Variants in C18orf63 observed in about 807,000 individuals in gnomAD.
C18orf63 encodes chromosome 18 open reading frame 63.
Under a neutral mutation model 75.3 loss-of-function variants are expected in C18orf63, and 50 were observed. The observed-to-expected ratio is 0.66, with a 90% CI of 0.53 to 0.84. The LOEUF is 0.84. Ranked by LOEUF, C18orf63 falls within the 40% of genes least tolerant of loss-of-function variation. The probability of loss-of-function intolerance (pLI) is 0.00; values close to 1 mark genes in which losing one functional copy is unlikely to be tolerated. For synonymous variants in C18orf63, 232 were observed against 267.6 expected (o/e 0.87, Z 1.30); for missense variants, 732 against 800.2 (o/e 0.91, Z 1.03).
intron 3 of C18orf63, among the ~76,000 whole-genome samples, chr18:74,320,891 TATC>T (rs1360927279): frequency 1.3e-5 from 2 of 152,220 alleles, no homozygotes; most frequent in African/African-American, 4.8e-5. Context: ...TGATACATTT[TATC>T]ATATTTTATT....
In C18orf63 at chr18:74,353,262, C is replaced by T. The variant is rs1212355158; in HGVS notation, c.995C>T (p.Pro332Leu). ...CCTTTTCAGGAACACAAAGTCAAGC[C>T]ACCCAATTTGACCACTAAAAAAATG... is the stretch of plus-strand genomic sequence containing the variant. ...KPNIQEHKVK[P>L]PNLTTKKMLR... The change falls in exon 12 of 14, where the codon CCA becomes CTA. Residue 332 changes from proline (P) to leucine (L), a missense_variant. Physicochemically the swap from Pro to Leu is moderately conservative, Grantham distance 98. Coordinates refer to ENST00000579455, the MANE Select transcript of C18orf63 (RefSeq NM_001174123.2). 2.6e-6 allele frequency: 4 copies of T among 1,533,686 alleles called. No homozygotes were observed. Among genetic ancestry groups the T allele is most frequent in the East Asian group, 2.4e-5 (1 of 40,866 alleles).
chr18:74,327,300 C>G (rs1217984911), intron 4 of C18orf63, among the ~76,000 whole-genome samples: 1 of 152,060 alleles, frequency 6.6e-6, no homozygotes, highest in Non-Finnish European at 1.5e-5. Context: ...TAATGAGGCT[C>G]CACAGGAAGG....
At chr18:74,355,324 A>AAAAG (rs777041583) in intron 13 of C18orf63, among the ~76,000 whole-genome samples, 1 of 110,010 alleles carries the variant, frequency 9.1e-6, no homozygotes, top group Admixed American at 8.6e-5. Context: ...TGACATCTTA[A>AAAAG]TATTTTAATG....
At chr18:74,329,364 A>G (rs1295957638) in intron 6 of C18orf63, among the ~76,000 whole-genome samples, 5 of 123,120 alleles carry the variant, frequency 4.1e-5, no homozygotes, top group African/African-American at 1.7e-4. Flanking sequence ...ACAGAGCAAG[A>G]CCCTATTTCA....
chr18:74,327,609 TTTGTCC>T (rs1200553669), intron 4 of C18orf63, among the ~76,000 whole-genome samples: 1 of 152,152 alleles, frequency 6.6e-6, no homozygotes, highest in Admixed American at 6.5e-5. Flanking sequence ...CGATTACAAG[TTTGTCC>T]TTGTTTGGAT....
rs536005916 is a variant in C18orf63, at chr18:74,347,531, G to A, written c.978+3829G>A. On this transcript the variant is annotated intron_variant, in intron 11 of 13. Transcript: ENST00000579455. ...TTTCTGCTGACAGCACTCTACCAGA[G>A]GCAGTAAGTCCTTCCTTTGAAGGGG... Among the ~76,000 whole-genome samples, 5 of 152,234 alleles carry A rather than the reference G, an allele frequency of 3.3e-5. No homozygotes were observed. The East Asian group carries it at 7.7e-4, about 24-fold the overall frequency.
chr18:74,320,550 C>A lies in C18orf63; in HGVS notation c.172C>A (p.Pro58Thr). ...TTTGCATCAAGATATTCTTACATCA[C>A]CTGTGTCTGGAATATTAAACCAAAT... ...LFLHQDILTS[P>T]VSGILNQIWV... Residue 58 changes from proline (P) to threonine (T), a missense_variant, in exon 3 of 14, where the codon CCT (proline) becomes ACT (threonine). Physicochemically the swap from Pro to Thr is conservative, Grantham distance 38. Around this residue, in one of 3 missense-constraint regions of C18orf63, gnomAD observed 233 missense variants for 272.7 expected, o/e 0.85. Transcript: ENST00000579455. 2 of 1,534,160 alleles carry A rather than the reference C, an allele frequency of 1.3e-6. No individual in the cohort carries two copies. Among genetic ancestry groups the A allele is most frequent in the Non-Finnish European group, 1.7e-6 (2 of 1,145,828 alleles).
intron 1 of C18orf63, among the ~76,000 whole-genome samples, chr18:74,316,352 A>ACT (rs1408980463): frequency 1.3e-5 from 2 of 152,016 alleles, no homozygotes; most frequent in South Asian, 2.1e-4. Context: ...ATTCGTTTCC[A>ACT]CTCACGTCCA....
At chr18:74,316,665 A>T (rs1233170019) in intron 1 of C18orf63, among the ~76,000 whole-genome samples, 2 of 152,156 alleles carry the variant, frequency 1.3e-5, no homozygotes, top group African/African-American at 2.4e-5. Context: ...AAATCCTGGG[A>T]CAGAAACGTA....
At chr18:74,339,047 T>A (rs1167898587) in intron 8 of C18orf63, among the ~76,000 whole-genome samples, 1 of 152,026 alleles carries the variant, frequency 6.6e-6, no homozygotes, top group African/African-American at 2.4e-5. Flanking sequence ...CACATCTTAT[T>A]AGATCTAGTT....
chr18:74,318,716 G>C (rs1310893239), intron 2 of C18orf63, among the ~76,000 whole-genome samples: 2 of 151,966 alleles, frequency 1.3e-5, no homozygotes, highest in Non-Finnish European at 2.9e-5. Flanking sequence ...TTTGAACCTG[G>C]GAGGTAGAGG....
intron 13 of C18orf63, among the ~76,000 whole-genome samples, chr18:74,355,661 T>A (rs897949154): frequency 1.3e-5 from 2 of 151,930 alleles, no homozygotes; most frequent in African/African-American, 4.8e-5. Flanking sequence ...GGCTCACGCC[T>A]GTAATTCCAG....
At chr18:74,330,745 C>T (rs1201887210) in intron 6 of C18orf63, 121 bp from the exon 7 acceptor site, 11 of 463,442 alleles carry the variant, frequency 2.4e-5, no homozygotes, top group South Asian at 3.9e-5. Flanking sequence ...TTACCATGTG[C>T]GGAAAAAAAT....
Position 74,357,095 on chromosome 18 carries a change from T to G in C18orf63, c.*648T>G, listed in dbSNP as rs1348267943. The G allele has an allele frequency of 6.6e-6, 1 of 152,244 alleles. No homozygotes were observed. The highest frequency in any genetic ancestry group is 2.4e-5 in the African/African-American group (1 of 41,460). The allele number at this position is 152,244 out of a possible 1,614,324, so 9.4% of individuals were successfully genotyped here. On this transcript the variant is annotated 3_prime_UTR_variant, in exon 14 of 14. Transcript: ENST00000579455. ...GGCTCACTAAATTTCACTTTTGCTT[T>G]TATATGCAAATTAACAGGAAGCCCT...
chr18:74,318,014 C>T lies in C18orf63; in HGVS notation c.134+15C>T, dbSNP rs1251706518. 1 of 1,453,362 alleles carries T rather than the reference C, an allele frequency of 6.9e-7. No homozygotes were observed. Among genetic ancestry groups the T allele is most frequent in the Non-Finnish European group, 9.1e-7 (1 of 1,101,108 alleles). 90.0% of individuals were successfully genotyped at this position (1,453,362 alleles called of 1,614,324 possible). On this transcript the variant is annotated intron_variant, in intron 2 of 13. Coordinates refer to ENST00000579455, the MANE Select transcript of C18orf63 (RefSeq NM_001174123.2). ...AAGATGTGCAGGTAAAAAAATACAT[C>T]TTATAACTAAGACTTTTAAAACTTT...
intron 11 of C18orf63, among the ~76,000 whole-genome samples, chr18:74,352,598 A>G (rs1291448515): frequency 6.6e-6 from 1 of 152,206 alleles, no homozygotes; most frequent in African/African-American, 2.4e-5. Context: ...CCCTGTAGTC[A>G]AAATCCCACT....
At chr18:74,352,963 T>C (rs747363962) in intron 11 of C18orf63, among the ~76,000 whole-genome samples, 1 of 152,118 alleles carries the variant, frequency 6.6e-6, no homozygotes, top group African/African-American at 2.4e-5. Flanking sequence ...TGGAGGACAG[T>C]GGGTAGCTGT....
At chr18:74,338,217 AG>A (rs1285479789) in intron 7 of C18orf63, among the ~76,000 whole-genome samples, 2 of 152,096 alleles carry the variant, frequency 1.3e-5, no homozygotes, top group Admixed American at 6.6e-5. Context: ...AGGACACTTG[AG>A]GAACAGGGAA....
chr18:74,321,294 CCTCT>C (rs984230584), intron 3 of C18orf63, among the ~76,000 whole-genome samples: 1 of 151,524 alleles, frequency 6.6e-6, no homozygotes, highest in Non-Finnish European at 1.5e-5. Flanking sequence ...TCCCTCCCTC[CCTCT>C]CTCTCTCCCT....
Sources: allele counts gnomAD v4.1 joint callset (sites outside exome capture counted in the v4.1 genomes callset), GRCh38; gene constraint gnomAD v4.1.1; regional missense constraint gnomAD v4.1.1; transcripts MANE v1.5; gene names NCBI Gene and HGNC (gene_info 2026-07-23, HGNC 2026-07-21).